PARVB: variants seen among roughly 807,000 people sequenced by gnomAD.
The protein encoded by PARVB is beta-parvin.
A neutral mutation model predicts 47.0 loss-of-function variants in PARVB; 46 were observed. That is an observed-to-expected ratio of 0.98 (90% CI 0.77 to 1.25). The LOEUF (loss-of-function observed/expected upper bound fraction) is 1.25, where lower values mean the gene tolerates loss of function less well. PARVB is among the 50% of genes most tolerant of loss of function. PARVB has a pLI of 0.00. For synonymous variants in PARVB, 196 were observed against 196.3 expected, an observed-to-expected ratio of 1.00 and a Z score of 0.01; for missense variants, 473 against 471.6, an observed-to-expected ratio of 1.00 and a Z score of -0.03.
intron 1 of PARVB, among the ~76,000 whole-genome samples, 185 bp downstream of exon 1, chr22:44,024,636 G>C (rs1224524963): frequency 6.6e-6 from 1 of 152,012 alleles, no homozygotes; most frequent in Admixed American, 6.5e-5. Context: ...CCGGGACCTG[G>C]CGCGTGGGGC....
rs191526815 is a variant in PARVB, at chr22:43,999,459, C to T, written c.71+48C>T. The T allele has an allele frequency of 1.1e-4, 174 of 1,574,144 alleles. No individual in the cohort carries two copies. The Middle Eastern group carries it at 1.2e-3, about 11-fold the overall frequency. The stretch of plus-strand genomic sequence containing the variant: ...CGAATGTTGTTAAAATCAGGTTGTA[C>T]TCAGAAGTCCAAATTTCTAGCTTCT... On this transcript the variant is annotated intron_variant, in intron 1 of 13. Transcript: ENST00000406477.
intron 1 of PARVB, among the ~76,000 whole-genome samples, chr22:44,043,811 G>A (rs370600240): frequency 3.9e-5 from 6 of 152,228 alleles, no homozygotes; most frequent in African/African-American, 1.2e-4. Context: ...GGTATTCGTT[G>A]CATGTTTCCA....
At chr22:44,137,500 G>A (rs1231779362) in intron 7 of PARVB, among the ~76,000 whole-genome samples, 1 of 152,226 alleles carries the variant, frequency 6.6e-6, no homozygotes, top group Admixed American at 6.5e-5. Context: ...TTATTGTTGT[G>A]TAACAAATCA....
intron 2 of PARVB, among the ~76,000 whole-genome samples, chr22:44,011,813 A>G (rs2050526228): frequency 1.3e-5 from 2 of 151,938 alleles, no homozygotes; most frequent in South Asian, 2.1e-4. Context: ...AAAGCCCTAC[A>G]CTTCAGTTCT....
chr22:44,154,577 T>C (rs910998113), intron 10 of PARVB, among the ~76,000 whole-genome samples: 1 of 149,624 alleles, frequency 6.7e-6, no homozygotes, highest in South Asian at 2.1e-4. Context: ...GTCTGGTGTG[T>C]GTGTGTGTGG....
At chr22:44,079,735 C>T (rs2051857048) in intron 1 of PARVB, among the ~76,000 whole-genome samples, 1 of 152,174 alleles carries the variant, frequency 6.6e-6, no homozygotes, top group South Asian at 2.1e-4. Flanking sequence ...CGAGACCAGC[C>T]TGGCCAACAT....
At chr22:44,008,938 G>C (rs541330517) in intron 2 of PARVB, among the ~76,000 whole-genome samples, 1 of 152,064 alleles carries the variant, frequency 6.6e-6, no homozygotes, top group Non-Finnish European at 1.5e-5. Flanking sequence ...GCAGTGAGCC[G>C]AGATCGCACC....
upstream of PARVB, among the ~76,000 whole-genome samples, chr22:44,021,145 C>T (rs927235260): frequency 1.3e-5 from 2 of 152,108 alleles, no homozygotes; most frequent in African/African-American, 2.4e-5. Flanking sequence ...ACAACCATGT[C>T]GAAGTGTGAT....
At chr22:44,022,066 A>C (rs1324322391), upstream of PARVB, among the ~76,000 whole-genome samples, 1 of 152,060 alleles carries the variant, frequency 6.6e-6, no homozygotes, top group Non-Finnish European at 1.5e-5. Flanking sequence ...CACTCTGGTG[A>C]CTTCATCTTC....
chr22:44,121,331 G>A (rs1265537530), intron 4 of PARVB, among the ~76,000 whole-genome samples: 1 of 152,112 alleles, frequency 6.6e-6, no homozygotes, highest in Non-Finnish European at 1.5e-5. Context: ...ATGGTCTCTA[G>A]AGGGGCAGAC....
chr22:44,133,046 CGCCAGAGAG>C (rs2053364940), intron 6 of PARVB, 37 bp downstream of exon 6: 1 of 1,432,128 alleles, frequency 7.0e-7, no homozygotes, highest in Admixed American at 1.8e-5. Context: ...CCTGTAACTC[CGCCAGAGAG>C]GCAACATCTT....
intron 1 of PARVB, among the ~76,000 whole-genome samples, chr22:44,070,031 A>T (rs2051621322): frequency 1.3e-5 from 2 of 152,228 alleles, no homozygotes; most frequent in Non-Finnish European, 2.9e-5. Context: ...ACGGTCGGCC[A>T]GGCTGCCCTA....
intron 1 of PARVB, among the ~76,000 whole-genome samples, chr22:44,026,035 A>C (rs765992341): frequency 1.3e-5 from 2 of 152,204 alleles, no homozygotes; most frequent in Non-Finnish European, 2.9e-5. Context: ...GGGACACTTG[A>C]GTGGAGGCCA....
chr22:44,081,075 G>A (rs1407840807), intron 1 of PARVB, among the ~76,000 whole-genome samples: 1 of 152,214 alleles, frequency 6.6e-6, no homozygotes, highest in Non-Finnish European at 1.5e-5. Context: ...GTCTCCAGCA[G>A]GGGTGTGGGG....
intron 1 of PARVB, among the ~76,000 whole-genome samples, chr22:44,092,427 G>A (rs2052192660): frequency 6.6e-6 from 1 of 152,152 alleles, no homozygotes; most frequent in African/African-American, 2.4e-5. Flanking sequence ...TTCTACTTTT[G>A]GGCTATTTTG....
chr22:44,027,890 T>G (rs1453271084), intron 1 of PARVB, among the ~76,000 whole-genome samples: 1 of 142,000 alleles, frequency 7.0e-6, no homozygotes, highest in African/African-American at 2.7e-5. Context: ...AGAGTGAGAC[T>G]CCATATCAAA....
chr22:44,120,538 A>G (rs557460275), intron 4 of PARVB, among the ~76,000 whole-genome samples: 6 of 152,194 alleles, frequency 3.9e-5, no homozygotes, highest in Non-Finnish European at 7.4e-5. Context: ...TCCTGGGGGC[A>G]TCGTATCAGG....
chr22:44,061,576 A>G (rs569334228), intron 1 of PARVB, among the ~76,000 whole-genome samples: 51 of 152,276 alleles, frequency 3.3e-4, no homozygotes, highest in Admixed American at 2.0e-3. Flanking sequence ...AAGAAGGCAG[A>G]GCGCCCCGTG....
At chr22:44,083,246 G>T (rs1284292840) in intron 1 of PARVB, among the ~76,000 whole-genome samples, 2 of 152,180 alleles carry the variant, frequency 1.3e-5, no homozygotes, top group Non-Finnish European at 2.9e-5. Context: ...ACTTTCTCTT[G>T]TAGAAATTAT....
Sources: gnomAD v4.1 joint callset for allele counts (sites outside exome capture counted in the v4.1 genomes callset) on GRCh38, gnomAD v4.1.1 for gene constraint, MANE v1.5 for transcripts, NCBI Gene and HGNC (gene_info 2026-07-23, HGNC 2026-07-21) for gene names.